PLEKHB2: variants seen among roughly 807,000 people sequenced by gnomAD.
PLEKHB2 encodes the protein pleckstrin homology domain containing B2.
PLEKHB2 carries 31 observed loss-of-function variants against 36.5 expected under a neutral mutation model. That is an observed-to-expected ratio of 0.85 (90% CI 0.64 to 1.15). The LOEUF (loss-of-function observed/expected upper bound fraction) is 1.15. Among genes scored for constraint, PLEKHB2 ranks in the 50% most tolerant of loss-of-function variants. The pLI is 0.00. For missense variants in PLEKHB2, 262 were observed against 295.3 expected (o/e 0.89, Z 0.83); for synonymous variants, 119 against 112.0 (o/e 1.06, Z -0.39).
At chr2:131,116,787 T>C (rs751777) in intron 1 of PLEKHB2, among the ~76,000 whole-genome samples, 6,595 of 152,200 alleles carry the variant, frequency 0.043, 482 homozygotes, top group African/African-American at 0.15. Context: ...CTCCAAGATA[T>C]CAGGAAATCT....
In PLEKHB2 at chr2:131,148,582, T is replaced by TC. The variant is rs1187054675; in HGVS notation, c.*1812dup. 6.6e-6 allele frequency: 1 copy of TC among 152,206 alleles called. No individual in the cohort carries two copies. Among genetic ancestry groups the TC allele is most frequent in the Non-Finnish European group, 1.5e-5 (1 of 68,050 alleles). The allele number at this position is 152,206 out of a possible 1,614,324, so 9.4% of individuals were successfully genotyped here. On this transcript the variant is annotated 3_prime_UTR_variant, in exon 8 of 8. Coordinates refer to ENST00000693505, the MANE Select transcript of PLEKHB2 (RefSeq NM_001100623.2). ...TGTCTTGCTTTGCTGCTCAGCCACC[T>TC]CCCTCTGAGGCCAACTTAGGCCAAC...
intron 1 of PLEKHB2, among the ~76,000 whole-genome samples, chr2:131,106,302 A>G (rs1287967930): frequency 6.6e-6 from 1 of 152,184 alleles, no homozygotes; most frequent in Non-Finnish European, 1.5e-5. Context: ...TGCTTAGGAA[A>G]GGGTGGAACC....
chr2:131,134,014 CTCAGCCTCCCG>C (rs1697982917), intron 6 of PLEKHB2, among the ~76,000 whole-genome samples: 3 of 151,860 alleles, frequency 2.0e-5, no homozygotes, highest in African/African-American at 7.3e-5. Context: ...ATTCTCCTGC[CTCAGCCTCCCG>C]AGTAGCTGGG....
At chr2:131,127,663 G>A (rs369794604) in intron 4 of PLEKHB2, among the ~76,000 whole-genome samples, 1 of 152,196 alleles carries the variant, frequency 6.6e-6, no homozygotes, top group Non-Finnish European at 1.5e-5. Context: ...AAAGAAGTTT[G>A]ATCTCAAGCA....
intron 6 of PLEKHB2, among the ~76,000 whole-genome samples, chr2:131,136,574 A>C (rs1332573006): frequency 6.6e-6 from 1 of 151,668 alleles, no homozygotes; most frequent in Non-Finnish European, 1.5e-5. Flanking sequence ...TTTGGTTTTC[A>C]CATACTGAAC....
rs765428089 is a variant in PLEKHB2, at chr2:131,130,724, C to G, written c.297C>G (p.Ala99=). 6.2e-7 allele frequency: 1 copy of G among 1,608,108 alleles called. No homozygotes were observed. Among genetic ancestry groups the G allele is most frequent in the South Asian group, 1.1e-5 (1 of 90,876 alleles). The change falls in exon 5 of 8, where the codon GCC becomes GCG. Residue 99 remains alanine (A), a synonymous_variant. Coordinates refer to ENST00000693505, the MANE Select transcript of PLEKHB2 (RefSeq NM_001100623.2). ...GTACCCTTTTTCTTTTCTCCAGGGC[C>G]TGGAAATTTACACTCCAAGATTCTA... ...LCAESTDDCL[A]WKFTLQDSRT... is the part of the protein sequence containing the mutation.
At chr2:131,134,392 T>C (rs1348809559) in intron 6 of PLEKHB2, among the ~76,000 whole-genome samples, 1 of 152,240 alleles carries the variant, frequency 6.6e-6, no homozygotes, top group African/African-American at 2.4e-5. Flanking sequence ...GGTTAAAACT[T>C]AACATGACAA....
intron 1 of PLEKHB2, among the ~76,000 whole-genome samples, chr2:131,120,073 G>A (rs57947210): frequency 0.23 from 34,319 of 151,102 alleles, 5,737 homozygotes; most frequent in African/African-American, 0.48. Context: ...GGTTCAAGCA[G>A]TTCTCCTGCC....
At chr2:131,127,537 A>T (rs1407017987) in intron 4 of PLEKHB2, among the ~76,000 whole-genome samples, 1 of 152,224 alleles carries the variant, frequency 6.6e-6, no homozygotes, top group Non-Finnish European at 1.5e-5. Context: ...GGATTTATAC[A>T]TATCTTTTTC....
Position 131,147,207 on chromosome 2 carries a change from G to C in PLEKHB2, c.*434G>C, listed in dbSNP as rs554375340. The C allele has an allele frequency of 5.2e-5, 8 of 152,588 alleles. No homozygotes were observed. The highest frequency in any genetic ancestry group is 1.9e-4 in the African/African-American group (8 of 41,476). The allele number at this position is 152,588 out of a possible 1,614,324, so 9.5% of individuals were successfully genotyped here. Reference sequence around the variant, plus strand: ...CTTTTTCAAACCACAGACCAGAACTGGTTGCATGTTACTTTAGGAGTTGTG... The same window carrying C: ...CTTTTTCAAACCACAGACCAGAACTCGTTGCATGTTACTTTAGGAGTTGTG... On this transcript the variant is annotated 3_prime_UTR_variant, in exon 8 of 8. Transcript: ENST00000693505.
intron 5 of PLEKHB2, among the ~76,000 whole-genome samples, chr2:131,132,402 G>A (rs1330554982): frequency 6.6e-6 from 1 of 152,100 alleles, no homozygotes; most frequent in African/African-American, 2.4e-5. Flanking sequence ...GAGCTCCTGG[G>A]CTCGAGTGAT....
At chr2:131,141,167 T>G (rs1388725004) in intron 7 of PLEKHB2, among the ~76,000 whole-genome samples, 5 of 152,224 alleles carry the variant, frequency 3.3e-5, no homozygotes, top group Middle Eastern at 3.4e-3. Flanking sequence ...CTTGTAGTTG[T>G]TGGTGGTTGC....
In PLEKHB2 at chr2:131,125,738, A is replaced by T. The variant is rs1559074454; in HGVS notation, c.38-15A>T. The T allele has an allele frequency of 6.6e-6, 9 of 1,357,954 alleles. No homozygotes were observed. Among genetic ancestry groups the T allele is most frequent in the South Asian group, 1.4e-5 (1 of 70,884 alleles). 84.1% of individuals were successfully genotyped at this position (1,357,954 alleles called of 1,614,324 possible). A position where few individuals can be genotyped will look rare whatever the true frequency, so the allele number is the denominator to read the frequency against. On this transcript the variant is annotated splice_polypyrimidine_tract_variant and intron_variant, in intron 2 of 7. Coordinates refer to ENST00000693505, the MANE Select transcript of PLEKHB2 (RefSeq NM_001100623.2). The stretch of plus-strand genomic sequence containing the variant: ...CTAAAAAAAAAAAAACAACCGTACT[A>T]TTTTTTTTTTCCAGGTACTATTTTG...
Position 131,120,995 on chromosome 2 carries a change from C to A in PLEKHB2, c.37+17C>A. ...TGCGACAGAGTGAGTACAGGATGTG[C>A]GGTCTGCGATCGGCATTGCCGAAGG... On this transcript the variant is annotated intron_variant, in intron 2 of 7. Transcript: ENST00000693505. 1.2e-6 allele frequency: 2 copies of A among 1,612,176 alleles called. No homozygotes were observed. Among genetic ancestry groups the A allele is most frequent in the Non-Finnish European group, 1.7e-6 (2 of 1,178,418 alleles).
chr2:131,133,931 G>A (rs1697971119), intron 6 of PLEKHB2, among the ~76,000 whole-genome samples: 1 of 129,042 alleles, frequency 7.7e-6, no homozygotes, highest in Non-Finnish European at 1.6e-5. Context: ...ATGGAGTCTT[G>A]CTCTATCGCC....
rs569896823 is a variant in PLEKHB2 at position 131,129,242 on chromosome 2, G to A, written c.294-1479G>A. On this transcript the variant is annotated intron_variant, in intron 4 of 7. Coordinates refer to ENST00000693505, the MANE Select transcript of PLEKHB2 (RefSeq NM_001100623.2). ...TGGGAGGCTGAGGCAGGAGAATGGC[G>A]TGAACCTGGGAGGTGGAGGTTGCGG... 5.5e-5 allele frequency among the ~76,000 whole-genome samples: 8 copies of A among 146,074 alleles called. No individual in the cohort carries two copies. In the East Asian group the frequency reaches 6.3e-4, roughly 11 times the overall value.
chr2:131,110,590 C>T (rs1695203925), intron 1 of PLEKHB2, among the ~76,000 whole-genome samples: 1 of 152,118 alleles, frequency 6.6e-6, no homozygotes, highest in African/African-American at 2.4e-5. Context: ...CTGGGTTGGT[C>T]TCAAACTCCT....
At chr2:131,134,056 C>A (rs796153224) in intron 6 of PLEKHB2, among the ~76,000 whole-genome samples, 1 of 151,466 alleles carries the variant, frequency 6.6e-6, no homozygotes, top group East Asian at 1.9e-4. Flanking sequence ...CCCGCCACCA[C>A]GCCCGGCTAA....
At chr2:131,140,880 C>T (rs1263698391) in intron 7 of PLEKHB2, among the ~76,000 whole-genome samples, 3 of 152,168 alleles carry the variant, frequency 2.0e-5, no homozygotes, top group Non-Finnish European at 4.4e-5. Context: ...GAGCTGTGGC[C>T]GATGGCCACT....
Sources: allele counts gnomAD v4.1 joint callset (sites outside exome capture counted in the v4.1 genomes callset), GRCh38; gene constraint gnomAD v4.1.1; transcripts MANE v1.5; gene names NCBI Gene and HGNC (gene_info 2026-07-23, HGNC 2026-07-21).